The following SNX24 variants were observed in gnomAD, a reference collection of about 807,000 sequenced individuals.
The protein encoded by SNX24 is sorting nexin-24.
Under a neutral mutation model 28.7 loss-of-function variants are expected in SNX24, and 22 were observed. That is an observed-to-expected ratio of 0.77 (90% CI 0.55 to 1.10). SNX24 has a LOEUF of 1.10. Ranked by LOEUF, SNX24 falls within the 50% of genes least tolerant of loss-of-function variation. The pLI is 0.00. For missense variants in SNX24, 221 were observed against 201.1 expected (o/e 1.10, Z -0.60); for synonymous variants, 69 against 71.5 (o/e 0.96, Z 0.18).
chr5:122,885,834 G>A (rs1477986946), intron 1 of SNX24, among the ~76,000 whole-genome samples: 1 of 152,128 alleles, frequency 6.6e-6, no homozygotes, highest in South Asian at 2.1e-4. Context: ...ACAGGTGGTC[G>A]GGGGAGGGGG....
chr5:122,911,583 T>A (rs1462854839), intron 1 of SNX24, among the ~76,000 whole-genome samples: 1 of 149,874 alleles, frequency 6.7e-6, no homozygotes, highest in African/African-American at 2.5e-5. Context: ...GGTTTTCTTC[T>A]AGGGTTTTTA....
chr5:122,845,789 G>T (rs970237969), intron 1 of SNX24, 96 bp downstream of exon 1: 2 of 665,322 alleles, frequency 3.0e-6, no homozygotes, highest in Admixed American at 4.4e-5. Flanking sequence ...TTGGCGCAGG[G>T]GGTCCCCTCG....
At chr5:122,934,192 G>A (rs576495609) in intron 1 of SNX24, among the ~76,000 whole-genome samples, 19 of 152,092 alleles carry the variant, frequency 1.2e-4, no homozygotes, top group Admixed American at 3.3e-4. Flanking sequence ...CTTTCCCAGC[G>A]CCGTCCTGGA....
chr5:123,016,211 TAAG>T (rs1762675962), intron 5 of SNX24, among the ~76,000 whole-genome samples: 1 of 152,146 alleles, frequency 6.6e-6, no homozygotes, highest in Non-Finnish European at 1.5e-5. Context: ...TGAAGGAAAA[TAAG>T]AAGGTTTACT....
Position 123,002,020 on chromosome 5 carries a change from A to C in SNX24, c.442+16A>C. On this transcript the variant is annotated intron_variant, in intron 6 of 6. Transcript: ENST00000261369. ...GCAGCCAGCGGTAATCAAACCTGTCATCTGCTAACAGCTCTTTACTGATCT... is the reference window on the plus strand; with the variant it reads ...GCAGCCAGCGGTAATCAAACCTGTCCTCTGCTAACAGCTCTTTACTGATCT... 2 of 1,601,566 alleles carry C rather than the reference A, an allele frequency of 1.2e-6. No homozygotes were observed. Among genetic ancestry groups the C allele is most frequent in the South Asian group, 2.2e-5 (2 of 90,832 alleles).
chr5:122,865,816 A>G (rs546539331), intron 1 of SNX24, among the ~76,000 whole-genome samples: 22 of 152,286 alleles, frequency 1.4e-4, no homozygotes, highest in Non-Finnish European at 2.9e-4. Context: ...GATAATAACA[A>G]TTTCATAATT....
chr5:122,976,192 C>T (rs1259091227), intron 3 of SNX24, among the ~76,000 whole-genome samples: 1 of 150,986 alleles, frequency 6.6e-6, no homozygotes, highest in Non-Finnish European at 1.5e-5. Flanking sequence ...TCTCCAGAGA[C>T]ACTTTTTTTT....
chr5:122,946,168 T>C lies in SNX24; in HGVS notation c.249+9T>C. ...TGGAAACATACTTACAGGTAAGATA[T>C]GTTTAGATCCTCATTTTATATAACA... On this transcript the variant is annotated intron_variant, in intron 3 of 6. Coordinates refer to ENST00000261369, the MANE Select transcript of SNX24 (RefSeq NM_014035.4). The C allele has an allele frequency of 6.8e-7, 1 of 1,479,378 alleles. No homozygotes were observed. Among genetic ancestry groups the C allele is most frequent in the Non-Finnish European group, 9.4e-7 (1 of 1,063,134 alleles). 91.6% of individuals were successfully genotyped at this position (1,479,378 alleles called of 1,614,324 possible).
chr5:123,001,992 C>T lies in SNX24; in HGVS notation c.430C>T (p.Pro144Ser). 1.2e-6 allele frequency: 2 copies of T among 1,613,890 alleles called. No individual in the cohort carries two copies. Among genetic ancestry groups the T allele is most frequent in the Non-Finnish European group, 1.7e-6 (2 of 1,179,788 alleles). ...GTTCCTCAGGGATCCATATGTCTTG[C>T]CTGCAGCCAGCGGTAATCAAACCTG... ...LLFLRDPYVL[P>S]AASDFPNVVI... Residue 144 changes from proline (P) to serine (S), a missense_variant, in exon 6 of 7, where the codon CCT (proline) becomes TCT (serine). Physicochemically the swap from Pro to Ser is moderately conservative, Grantham distance 74 (BLOSUM62 -1). Coordinates refer to ENST00000261369, the MANE Select transcript of SNX24 (RefSeq NM_014035.4).
chr5:122,986,615 G>A (rs991370554), intron 3 of SNX24, among the ~76,000 whole-genome samples: 6 of 152,126 alleles, frequency 3.9e-5, no homozygotes, highest in African/African-American at 7.2e-5. Flanking sequence ...GGTGGAAGCC[G>A]AAGCCAATTT....
intron 3 of SNX24, among the ~76,000 whole-genome samples, chr5:122,985,775 A>T (rs1194697730): frequency 6.6e-6 from 1 of 152,210 alleles, no homozygotes; most frequent in Non-Finnish European, 1.5e-5. Flanking sequence ...GTTTCTCTTT[A>T]TACTAAGCCA....
At chr5:122,942,605 C>A (rs1759504524) in intron 2 of SNX24, among the ~76,000 whole-genome samples, 1 of 152,094 alleles carries the variant, frequency 6.6e-6, no homozygotes, top group South Asian at 2.1e-4. Context: ...ATTCTTCTAG[C>A]AGTATAAAAA....
chr5:122,983,336 ATAATTTCTCT>A (rs1357092176), intron 3 of SNX24, among the ~76,000 whole-genome samples: 8 of 152,176 alleles, frequency 5.3e-5, no homozygotes, highest in African/African-American at 1.9e-4. Flanking sequence ...AAGGCACCTT[ATAATTTCTCT>A]TCTCTTTTGT....
intron 3 of SNX24, chr5:122,982,974 A>G (rs1242356354): frequency 1.3e-5 from 2 of 152,156 alleles, no homozygotes; most frequent in Non-Finnish European, 2.9e-5. Flanking sequence ...ACTGGTAATA[A>G]TAATGCAGGC....
intron 1 of SNX24, among the ~76,000 whole-genome samples, chr5:122,870,351 T>A (rs1755916936): frequency 6.6e-6 from 1 of 152,208 alleles, no homozygotes; most frequent in South Asian, 2.1e-4. Context: ...TATGATGAAC[T>A]TCTACAGATG....
At chr5:123,011,083 A>T (rs1023398024), downstream of SNX24, among the ~76,000 whole-genome samples, 1 of 152,242 alleles carries the variant, frequency 6.6e-6, no homozygotes, top group Admixed American at 6.5e-5. Flanking sequence ...CAGTGTTAAT[A>T]GTATTCCAAG....
chr5:122,901,497 G>A (rs947985514), intron 1 of SNX24, among the ~76,000 whole-genome samples: 2 of 152,172 alleles, frequency 1.3e-5, no homozygotes, highest in East Asian at 1.9e-4. Context: ...ATTTAGGAAC[G>A]ATCAGCCAGG....
intron 5 of SNX24, among the ~76,000 whole-genome samples, chr5:123,018,945 A>G (rs1220777299): frequency 6.6e-6 from 1 of 152,150 alleles, no homozygotes; most frequent in African/African-American, 2.4e-5. Context: ...TCGGCCTCCC[A>G]AAGTGCTGGG....
At chr5:122,974,022 A>G (rs1024195769) in intron 3 of SNX24, among the ~76,000 whole-genome samples, 1 of 152,164 alleles carries the variant, frequency 6.6e-6, no homozygotes, top group Non-Finnish European at 1.5e-5. Flanking sequence ...TGGACTCGAA[A>G]CTGGCAGCCT....
Sources: gnomAD v4.1 joint callset for allele counts (sites outside exome capture counted in the v4.1 genomes callset) on GRCh38, gnomAD v4.1.1 for gene constraint, MANE v1.5 for transcripts, NCBI Gene and HGNC (gene_info 2026-07-23, HGNC 2026-07-21) for gene names.